Variants in SEC22C observed in about 807,000 individuals in gnomAD.
SEC22C encodes the protein vesicle-trafficking protein SEC22c.
A neutral mutation model predicts 34.7 loss-of-function variants in SEC22C; 29 were observed. That is an observed-to-expected ratio of 0.84 (90% CI 0.62 to 1.14). The LOEUF is 1.14. SEC22C is among the 50% of genes most tolerant of loss of function. The pLI, the probability that SEC22C is intolerant of heterozygous loss-of-function variation, is 0.00. For synonymous variants in SEC22C, 117 were observed against 132.8 expected (o/e 0.88, Z 0.82); for missense variants, 337 against 369.0 (o/e 0.91, Z 0.71).
chr3:42,590,909 C>T lies in SEC22C; in HGVS notation c.-28+10051G>A, dbSNP rs370129489. On this transcript the variant is annotated intron_variant, in intron 1 of 6. Transcript: ENST00000417572. ...GGAGGTTCCTCGGGATGTCGGTGGCCTTCGTACCGGACTGGCTGAGGGGCA... is the reference window on the plus strand; with the variant it reads ...GGAGGTTCCTCGGGATGTCGGTGGCTTTCGTACCGGACTGGCTGAGGGGCA... 9.6e-5 allele frequency: 146 copies of T among 1,522,032 alleles called. 1 individual carries two copies. In the South Asian group the frequency reaches 1.1e-3, roughly 11 times the overall value. 94.3% of individuals were successfully genotyped at this position (1,522,032 alleles called of 1,614,324 possible).
Position 42,550,545 on chromosome 3 carries a change from A to G in SEC22C, c.*2703T>C, listed in dbSNP as rs1464679550. The G allele has an allele frequency of 2.2e-5, 22 of 985,434 alleles. No individual in the cohort carries two copies. The highest frequency in any genetic ancestry group is 2.4e-5 in the Non-Finnish European group (20 of 829,928). The allele number at this position is 985,434 out of a possible 1,614,324, so 61.0% of individuals were successfully genotyped here. On this transcript the variant is annotated 3_prime_UTR_variant, in exon 7 of 7. Transcript: ENST00000264454. ...GGATTCTTTTAGCTAGCTGGATTTC[A>G]GTCAAACAATGTTTTTGTGGTCATT... is the stretch of plus-strand genomic sequence containing the variant.
In SEC22C at chr3:42,551,811, A is replaced by T; in HGVS notation, c.*1437T>A. 4.1e-6 allele frequency: 4 copies of T among 977,892 alleles called. No individual in the cohort carries two copies. The allele number at this position is 977,892 out of a possible 1,614,324, so 60.6% of individuals were successfully genotyped here. The stretch of plus-strand genomic sequence containing the variant: ...ACCAGTGATAACCAAATATAATTGA[A>T]TTTTTCTAAAACTACATTCTTACAT... On this transcript the variant is annotated 3_prime_UTR_variant, in exon 7 of 7. Coordinates refer to ENST00000264454, the MANE Select transcript of SEC22C (RefSeq NM_032970.4).
Position 42,552,027 on chromosome 3 carries a change from T to C in SEC22C, c.*1221A>G. The C allele has an allele frequency of 1.0e-6, 1 of 985,448 alleles. No homozygotes were observed. Among genetic ancestry groups the C allele is most frequent in the Non-Finnish European group, 1.2e-6 (1 of 829,924 alleles). 61.0% of individuals were successfully genotyped at this position (985,448 alleles called of 1,614,324 possible). A position where few individuals can be genotyped will look rare whatever the true frequency, so the allele number is the denominator to read the frequency against. On this transcript the variant is annotated 3_prime_UTR_variant, in exon 7 of 7. Coordinates refer to ENST00000264454, the MANE Select transcript of SEC22C (RefSeq NM_032970.4). ...AGAGCAAACTCCCAAAATGACCTCC[T>C]GCGTGGTACAAAACAAGCCAGGCTG...
At chr3:42,563,440 TG>T in intron 3 of SEC22C, 82 bp downstream of exon 3, 1 of 1,224,970 alleles carries the variant, frequency 8.2e-7, no homozygotes, top group Non-Finnish European at 1.2e-6. Flanking sequence ...TTTTCCTTGA[TG>T]GTCAAAGCCA....
At chr3:42,575,501 G>C (rs1703905095) in intron 1 of SEC22C, among the ~76,000 whole-genome samples, 1 of 152,188 alleles carries the variant, frequency 6.6e-6, no homozygotes, top group South Asian at 2.1e-4. Context: ...ATAGACTTCA[G>C]AGTGAAGAAA....
At chr3:42,586,545 T>G (rs1177701769), upstream of SEC22C, among the ~76,000 whole-genome samples, 1 of 151,680 alleles carries the variant, frequency 6.6e-6, no homozygotes, top group Non-Finnish European at 1.5e-5. Context: ...TTCAACAGCA[T>G]TTGTCATTGC....
intron 1 of SEC22C, chr3:42,600,950 C>G (rs573986877): frequency 2.4e-5 from 35 of 1,438,380 alleles, no homozygotes; most frequent in African/African-American, 2.9e-5. Flanking sequence ...GCCCTCGCCC[C>G]TGCCCTGACC....
intron 4 of SEC22C, 36 bp from the exon 5 acceptor site, chr3:42,557,732 G>T: frequency 9.3e-7 from 1 of 1,077,450 alleles, no homozygotes; most frequent in Non-Finnish European, 1.4e-6. Context: ...TCTAGTGTAA[G>T]TAATTTCTAC....
intron 4 of SEC22C, among the ~76,000 whole-genome samples, chr3:42,560,137 T>A (rs3853737): frequency 0.019 from 2,757 of 143,490 alleles, 76 homozygotes; most frequent in East Asian, 0.1. Context: ...TATATATATA[T>A]AAATAATAAT....
chr3:42,560,860 A>G (rs1387389465), intron 4 of SEC22C, among the ~76,000 whole-genome samples: 3 of 151,974 alleles, frequency 2.0e-5, no homozygotes, highest in African/African-American at 7.3e-5. Flanking sequence ...GGCTGGTTTC[A>G]AACTCCTGGA....
In SEC22C at chr3:42,561,249, AG is replaced by A; in HGVS notation, c.393del (p.Ser132LeufsTer33). On this transcript the variant is annotated frameshift_variant, in exon 4 of 7. Coordinates refer to ENST00000264454, the MANE Select transcript of SEC22C (RefSeq NM_032970.4). LOFTEE classifies it high-confidence loss of function. ...TTTTCCAAGCTGCACTCCATCTGAG[AG>A]GAACTTACATAGTTAAAATGCCACT... ...KVKWHFNYVSSSQMECSLEKI... is the reference protein window; with the variant it reads ...KVKWHFNYVSXSQMECSLEKI... The A allele has an allele frequency of 6.2e-7, 1 of 1,614,242 alleles. No homozygotes were observed.
chr3:42,559,799 C>T (rs1389612169), intron 4 of SEC22C, among the ~76,000 whole-genome samples: 2 of 151,936 alleles, frequency 1.3e-5, no homozygotes, highest in African/African-American at 4.8e-5. Flanking sequence ...AACAGGAATG[C>T]AAAAAATCAT....
chr3:42,596,400 C>T (rs1028778310), intron 1 of SEC22C, among the ~76,000 whole-genome samples: 1 of 152,198 alleles, frequency 6.6e-6, no homozygotes, highest in South Asian at 2.1e-4. Context: ...GTCCTATCCC[C>T]TGAAGTTCTA....
chr3:42,558,777 G>C (rs911724976), intron 4 of SEC22C, among the ~76,000 whole-genome samples: 6 of 150,164 alleles, frequency 4.0e-5, no homozygotes, highest in African/African-American at 1.5e-4. Context: ...GGGCGACAGA[G>C]CAAGAACCTG....
At chr3:42,575,139 G>A (rs1703883945) in intron 1 of SEC22C, among the ~76,000 whole-genome samples, 2 of 152,114 alleles carry the variant, frequency 1.3e-5, no homozygotes, top group Non-Finnish European at 2.9e-5. Flanking sequence ...TGAGCCACTA[G>A]GCCTGGCCTA....
chr3:42,564,960 G>A (rs1206568848), intron 2 of SEC22C, among the ~76,000 whole-genome samples: 2 of 152,062 alleles, frequency 1.3e-5, no homozygotes, highest in African/African-American at 4.8e-5. Context: ...GTCTCTCTAT[G>A]TTGCCCAGGC....
intron 5 of SEC22C, among the ~76,000 whole-genome samples, 187 bp from the exon 6 acceptor site, chr3:42,556,182 T>A (rs1359445079): frequency 6.6e-6 from 1 of 152,194 alleles, no homozygotes; most frequent in Non-Finnish European, 1.5e-5. Context: ...AACAGCTTGG[T>A]CACAGCATGT....
At chr3:42,573,851 T>C (rs917594016) in intron 1 of SEC22C, among the ~76,000 whole-genome samples, 1 of 152,276 alleles carries the variant, frequency 6.6e-6, no homozygotes, top group East Asian at 1.9e-4. Context: ...CTTGGAGACC[T>C]GTGAGACTCT....
upstream of SEC22C, chr3:42,581,970 T>G (rs530067389): frequency 1.3e-5 from 2 of 152,396 alleles, no homozygotes; most frequent in East Asian, 3.8e-4. Context: ...TAGGCCGTGG[T>G]GCGCGTGCGC....
Sources: allele counts gnomAD v4.1 joint callset (sites outside exome capture counted in the v4.1 genomes callset), GRCh38; gene constraint gnomAD v4.1.1; transcripts MANE v1.5; gene names NCBI Gene and HGNC (gene_info 2026-07-23, HGNC 2026-07-21).